Variants in ERBB4 observed in about 807,000 individuals in gnomAD.
The protein encoded by ERBB4 is erb-b2 receptor tyrosine kinase 4, also known as receptor tyrosine-protein kinase erbB-4.
A neutral mutation model predicts 158.0 loss-of-function variants in ERBB4; 42 were observed. The ratio of observed to expected loss-of-function variants is 0.27; its 90% confidence interval spans 0.21 to 0.34. The LOEUF is 0.34. Among genes scored for constraint, ERBB4 ranks in the 10% least tolerant of loss-of-function variants. ERBB4 has a pLI of 1.00. For synonymous variants in ERBB4, 583 were observed against 558.7 expected (o/e 1.04, Z -0.61); for missense variants, 1,333 against 1,624.1 (o/e 0.82, Z 3.08).
At chr2:211,769,640 C>G (rs1329442220) in intron 4 of ERBB4, among the ~76,000 whole-genome samples, 1 of 152,202 alleles carries the variant, frequency 6.6e-6, no homozygotes, top group Non-Finnish European at 1.5e-5. Context: ...GGGAAGCCAA[C>G]TGTCCAGCCT....
chr2:211,722,636 C>A lies in ERBB4; in HGVS notation c.742-102G>T, dbSNP rs917047598. ...GAAGTTTTTTTCTATAATAATTCCA[C>A]AAATATTACAAAATTTGATAATTTA... On this transcript the variant is annotated intron_variant, in intron 6 of 27. Coordinates refer to ENST00000342788, the MANE Select transcript of ERBB4 (RefSeq NM_005235.3). The A allele has an allele frequency of 6.2e-5, 72 of 1,162,758 alleles. 1 individual carries two copies. The Middle Eastern group carries it at 7.7e-4, about 13-fold the overall frequency. 72.0% of individuals were successfully genotyped at this position (1,162,758 alleles called of 1,614,324 possible).
chr2:211,672,166 T>C (rs1483043611), intron 14 of ERBB4, among the ~76,000 whole-genome samples: 1 of 152,140 alleles, frequency 6.6e-6, no homozygotes, highest in African/African-American at 2.4e-5. Context: ...TTTTCTAAGC[T>C]AATTAAGTGC....
chr2:211,806,755 A>C lies in ERBB4; in HGVS notation c.422-18596T>G, dbSNP rs992342175. Among the ~76,000 whole-genome samples, 5 of 152,328 alleles carry C rather than the reference A, an allele frequency of 3.3e-5. No homozygotes were observed. The South Asian group carries it at 1.0e-3, about 32-fold the overall frequency. On this transcript the variant is annotated intron_variant, in intron 3 of 27. Coordinates refer to ENST00000342788, the MANE Select transcript of ERBB4 (RefSeq NM_005235.3). ...AAATGAAAGCCAAGTGGAAACATCAAGAAAAAACAAGCAAACTGCACAAGG... is the reference window on the plus strand; with the variant it reads ...AAATGAAAGCCAAGTGGAAACATCACGAAAAAACAAGCAAACTGCACAAGG...
chr2:211,572,877 G>A (rs1031777979), intron 19 of ERBB4, among the ~76,000 whole-genome samples: 2 of 152,188 alleles, frequency 1.3e-5, no homozygotes, highest in African/African-American at 2.4e-5. Context: ...TGGCAAATAC[G>A]TGGCTTGCAT....
At chr2:211,937,108 T>C (rs912472043) in intron 3 of ERBB4, among the ~76,000 whole-genome samples, 4 of 152,204 alleles carry the variant, frequency 2.6e-5, no homozygotes, top group African/African-American at 7.2e-5. Flanking sequence ...CTAATATCTT[T>C]AAAATCCTGG....
rs549056181 is a variant in ERBB4, at chr2:212,004,107, A to C, written c.235-56491T>G. Among the ~76,000 whole-genome samples the C allele has an allele frequency of 1.9e-4, 29 of 152,308 alleles. 1 individual carries two copies. In the South Asian group the frequency reaches 4.8e-3, roughly 25 times the overall value. ...ATGCATGGACTGCAGGAATATTTTT[A>C]TGATAATAGATAAAATAAACTATGG... On this transcript the variant is annotated intron_variant, in intron 2 of 27. Transcript: ENST00000342788.
At chr2:211,773,647 T>TATATATATAA (rs1559506512) in intron 4 of ERBB4, among the ~76,000 whole-genome samples, 1 of 77,436 alleles carries the variant, frequency 1.3e-5, no homozygotes, top group Non-Finnish European at 2.5e-5. Context: ...TATATATATA[T>TATATATATAA]AATATATATA....
chr2:212,471,432 C>CA, intron 1 of ERBB4, among the ~76,000 whole-genome samples: 1 of 151,638 alleles, frequency 6.6e-6, no homozygotes. Flanking sequence ...AGAAATTGTC[C>CA]AAAATATTCT....
intron 1 of ERBB4, among the ~76,000 whole-genome samples, chr2:212,537,450 T>C (rs1241875965): frequency 6.6e-6 from 1 of 152,026 alleles, no homozygotes; most frequent in Non-Finnish European, 1.5e-5. Context: ...TCATTAGTCC[T>C]GCAAGCCGTG....
intron 12 of ERBB4, among the ~76,000 whole-genome samples, chr2:211,683,430 G>C (rs1287008980): frequency 1.3e-5 from 2 of 152,042 alleles, no homozygotes; most frequent in Admixed American, 1.3e-4. Context: ...AAATGGAATT[G>C]TACAGTATGT....
chr2:212,418,861 T>C (rs866969618), intron 1 of ERBB4, among the ~76,000 whole-genome samples: 1 of 151,892 alleles, frequency 6.6e-6, no homozygotes, highest in Admixed American at 6.6e-5. Context: ...TTCTGAAGTG[T>C]TTTAACCATT....
intron 2 of ERBB4, among the ~76,000 whole-genome samples, chr2:212,011,384 G>T (rs1191376073): frequency 6.6e-6 from 1 of 152,082 alleles, no homozygotes; most frequent in East Asian, 1.9e-4. Context: ...GGACAGTGCA[G>T]ATATAGAACA....
chr2:211,653,777 A>T (rs1222523514), intron 16 of ERBB4, among the ~76,000 whole-genome samples: 4 of 151,820 alleles, frequency 2.6e-5, no homozygotes, highest in Non-Finnish European at 5.9e-5. Flanking sequence ...CAGGTTCAAG[A>T]GATTCTCCTG....
chr2:211,886,111 A>G (rs1256957330), intron 3 of ERBB4, among the ~76,000 whole-genome samples: 1 of 152,204 alleles, frequency 6.6e-6, no homozygotes, highest in East Asian at 1.9e-4. Context: ...CTTCTTGGGC[A>G]TATACAGTTT....
chr2:212,434,531 A>G (rs1045830384), intron 1 of ERBB4, among the ~76,000 whole-genome samples: 2 of 151,760 alleles, frequency 1.3e-5, no homozygotes, highest in Non-Finnish European at 2.9e-5. Context: ...GTGTGGGGGG[A>G]AAAATAACTA....
At chr2:211,976,338 A>G (rs1391627001) in intron 2 of ERBB4, among the ~76,000 whole-genome samples, 2 of 152,162 alleles carry the variant, frequency 1.3e-5, no homozygotes, top group African/African-American at 2.4e-5. Flanking sequence ...GACTGCTTCA[A>G]ATGAATTCCC....
At chr2:212,374,982 A>G (rs10165393) in intron 1 of ERBB4, among the ~76,000 whole-genome samples, 29,747 of 151,902 alleles carry the variant, frequency 0.2, 3,085 homozygotes, top group South Asian at 0.26. Context: ...GATTAAAGAT[A>G]TTTGTCAATG....
chr2:211,884,686 C>T (rs2078748902), intron 3 of ERBB4, among the ~76,000 whole-genome samples: 1 of 152,182 alleles, frequency 6.6e-6, no homozygotes, highest in East Asian at 1.9e-4. Flanking sequence ...TTGTCTAGAG[C>T]ATCATCTGAG....
chr2:211,895,816 C>G (rs932171264), intron 3 of ERBB4, among the ~76,000 whole-genome samples: 1 of 152,122 alleles, frequency 6.6e-6, no homozygotes, highest in Admixed American at 6.5e-5. Context: ...TGCCATAAAA[C>G]AGCTCTTGTT....
Sources: gnomAD v4.1 joint callset for allele counts (sites outside exome capture counted in the v4.1 genomes callset) on GRCh38, gnomAD v4.1.1 for gene constraint, MANE v1.5 for transcripts, NCBI Gene and HGNC (gene_info 2026-07-23, HGNC 2026-07-21) for gene names.